Variants in PPP2R3B observed in about 807,000 individuals in gnomAD.
PPP2R3B encodes serine/threonine-protein phosphatase 2A regulatory subunit B'' subunit beta.
Under a neutral mutation model 72.9 loss-of-function variants are expected in PPP2R3B, and 68 were observed. That is an observed-to-expected ratio of 0.93 (90% confidence interval 0.77 to 1.14). The LOEUF is 1.14. Among genes scored for constraint, PPP2R3B ranks in the 50% most tolerant of loss-of-function variants. The pLI is 0.00. For synonymous variants in PPP2R3B, 466 were observed against 375.8 expected, an observed-to-expected ratio of 1.24 and a Z score of -2.78; for missense variants, 1,018 against 842.0, an observed-to-expected ratio of 1.21 and a Z score of -2.59.
At chrX:337,132 G>A (rs1160282407) in intron 12 of PPP2R3B, 1 of 152,054 alleles carries the variant, frequency 6.6e-6, no homozygotes, top group Non-Finnish European at 1.5e-5. Context: ...CCAGGCTGGA[G>A]TGTGGTGGCG....
chrX:384,732 C>T (rs1355435929), intron 1 of PPP2R3B, among the ~76,000 whole-genome samples: 1 of 152,054 alleles, frequency 6.6e-6, no homozygotes, highest in East Asian at 1.9e-4. Flanking sequence ...CGCCTGTCAT[C>T]CCAGCACTTT....
intron 2 of PPP2R3B, among the ~76,000 whole-genome samples, chrX:355,669 A>C (rs1339642997): frequency 3.9e-5 from 6 of 152,076 alleles, no homozygotes; most frequent in African/African-American, 1.4e-4. Flanking sequence ...TCTGTGCTCC[A>C]AATGGTTACG....
At chrX:376,197 G>GGAA (rs2071988799) in intron 1 of PPP2R3B, among the ~76,000 whole-genome samples, 1 of 139,314 alleles carries the variant, frequency 7.2e-6, no homozygotes, top group African/African-American at 2.8e-5. Context: ...GTCTCAAAAA[G>GGAA]GAAAAAAAAA....
At chrX:374,386 C>T (rs2071944662) in intron 1 of PPP2R3B, among the ~76,000 whole-genome samples, 1 of 152,232 alleles carries the variant, frequency 6.6e-6, no homozygotes, top group Non-Finnish European at 1.5e-5. Context: ...CCGGCATCTC[C>T]GCCCCTCCCC....
intron 1 of PPP2R3B, chrX:374,068 T>A (rs1603125903): frequency 6.6e-6 from 1 of 152,156 alleles, no homozygotes; most frequent in Admixed American, 6.5e-5. Flanking sequence ...GGAGCGCGCA[T>A]CAACAGGTCC....
At chrX:347,559 G>A (rs952526396) in intron 3 of PPP2R3B, 31 bp downstream of exon 3, 33 of 1,552,908 alleles carry the variant, frequency 2.1e-5, no homozygotes, top group East Asian at 7.2e-5. Flanking sequence ...CCGCCCTCCC[G>A]ACACAGCCCC....
rs1293855780 is a variant in PPP2R3B at position 334,091 on chromosome X, C to T, written c.*276G>A. 43 of 350,206 alleles carry T rather than the reference C, an allele frequency of 1.2e-4. No homozygotes were observed. Among genetic ancestry groups the T allele is most frequent in the East Asian group, 1.1e-3 (22 of 20,798 alleles). The allele number at this position is 350,206 out of a possible 1,614,324, so 21.7% of individuals were successfully genotyped here. ...GGACCCTTTCCACAGACGCAGGCCC[C>T]GGAACCCAGGCTGGGTCGGGAACGG... On this transcript the variant is annotated 3_prime_UTR_variant, in exon 13 of 13. Coordinates refer to ENST00000390665, the MANE Select transcript of PPP2R3B (RefSeq NM_013239.5).
In PPP2R3B at chrX:340,212, GGGT is replaced by G. The variant is rs1402986953; in HGVS notation, c.1351+550_1351+552del. 5.6e-4 allele frequency among the ~76,000 whole-genome samples: 26 copies of G among 46,624 alleles called. 1 individual carries two copies. The highest frequency in any genetic ancestry group is 7.6e-4 in the Admixed American group (4 of 5,284). The allele number at this position is 46,624 out of a possible 152,430, so 30.6% of individuals were successfully genotyped here. ...AGAGGGGAGGAGACGGGGGGGGGGG[GGGT>G]GAGGGGAGGACCGCCTTGTGCGGCA... On this transcript the variant is annotated intron_variant, in intron 10 of 12. Transcript: ENST00000390665.
chrX:345,345 G>A (rs1207316660), intron 7 of PPP2R3B, 171 bp downstream of exon 7: 3 of 955,030 alleles, frequency 3.1e-6, no homozygotes, highest in East Asian at 2.6e-5. Context: ...ACGGGGCAGC[G>A]ACTGGGGAAG....
intron 1 of PPP2R3B, among the ~76,000 whole-genome samples, chrX:384,982 CAAAAAAAAAAA>C (rs773590401): frequency 1.6e-5 from 1 of 63,072 alleles, no homozygotes; most frequent in Non-Finnish European, 3.0e-5. Context: ...GAATCTGTCT[CAAAAAAAAAAA>C]AAAAAAAAAA....
At chrX:346,625 A>T in intron 5 of PPP2R3B, 76 bp downstream of exon 5, 1 of 1,411,254 alleles carries the variant, frequency 7.1e-7, no homozygotes, top group Non-Finnish European at 9.8e-7. Context: ...CCCCGTCCGC[A>T]GAAGCCCCGC....
intron 2 of PPP2R3B, among the ~76,000 whole-genome samples, chrX:348,935 GGACACAGGAA>G (rs2071276467): frequency 6.6e-6 from 1 of 152,080 alleles, no homozygotes; most frequent in Non-Finnish European, 1.5e-5. Flanking sequence ...ACGCGGTCAG[GGACACAGGAA>G]GTCACAGGCC....
chrX:358,715 G>T (rs1488628229), intron 2 of PPP2R3B, among the ~76,000 whole-genome samples: 5 of 152,212 alleles, frequency 3.3e-5, no homozygotes, highest in Non-Finnish European at 7.3e-5. Flanking sequence ...GTGACACCGA[G>T]AACTGAGTCC....
intron 2 of PPP2R3B, among the ~76,000 whole-genome samples, chrX:358,168 A>G (rs1030219315): frequency 2.6e-5 from 4 of 152,184 alleles, no homozygotes; most frequent in Admixed American, 2.6e-4. Context: ...CCCGGCTCAC[A>G]GAAAACCGTC....
chrX:356,826 AG>A (rs1484355644), intron 2 of PPP2R3B, among the ~76,000 whole-genome samples: 1 of 114,334 alleles, frequency 8.7e-6, no homozygotes, highest in East Asian at 2.4e-4. Flanking sequence ...GCCACACGGG[AG>A]CCCCACGGTA....
At chrX:335,746 C>T (rs1388553139) in intron 12 of PPP2R3B, 2 of 152,232 alleles carry the variant, frequency 1.3e-5, no homozygotes, top group Non-Finnish European at 2.9e-5. Context: ...TGATCACACA[C>T]AAAGTCAGTA....
chrX:357,433 G>A (rs5987292), intron 2 of PPP2R3B, among the ~76,000 whole-genome samples: 4,391 of 152,228 alleles, frequency 0.029, 219 homozygotes, highest in African/African-American at 0.1. Context: ...GATGACCATA[G>A]ATATTCATGA....
intron 1 of PPP2R3B, among the ~76,000 whole-genome samples, chrX:364,515 A>C (rs1273969115): frequency 8.2e-5 from 9 of 109,576 alleles, no homozygotes; most frequent in Admixed American, 2.6e-4. Context: ...CTAAAAAAAA[A>C]AAAAACAAAA....
intron 2 of PPP2R3B, among the ~76,000 whole-genome samples, chrX:354,320 A>C: frequency 6.9e-6 from 1 of 143,918 alleles, no homozygotes; most frequent in African/African-American, 2.6e-5. Context: ...CAGTCAGGTC[A>C]AGACCAGTCC....
Sources: allele counts gnomAD v4.1 joint callset (sites outside exome capture counted in the v4.1 genomes callset), GRCh38; gene constraint gnomAD v4.1.1; transcripts MANE v1.5; gene names NCBI Gene and HGNC (gene_info 2026-07-23, HGNC 2026-07-21).